The following FGF14 variants were observed in gnomAD, a reference collection of about 807,000 sequenced individuals.
The protein encoded by FGF14 is fibroblast growth factor 14, also known as fibroblast growth factor homologous factor 4.
FGF14 carries 5 observed loss-of-function variants against 25.5 expected under a neutral mutation model. That is an observed-to-expected ratio of 0.20 (90% CI 0.10 to 0.41). The LOEUF (loss-of-function observed/expected upper bound fraction) is 0.41, where lower values mean the gene tolerates loss of function less well. FGF14 is among the 10% of genes least tolerant of loss of function. The probability of loss-of-function intolerance (pLI) is 1.00; values close to 1 mark genes in which losing one functional copy is unlikely to be tolerated. For synonymous variants in FGF14, 138 were observed against 118.3 expected (o/e 1.17, Z -1.08); for missense variants, 222 against 320.1 (o/e 0.69, Z 2.34).
At chr13:102,074,064 G>C (rs1036243403) in intron 1 of FGF14, among the ~76,000 whole-genome samples, 1 of 152,158 alleles carries the variant, frequency 6.6e-6, no homozygotes, top group Non-Finnish European at 1.5e-5. Context: ...CTGGTGTGGA[G>C]TACAGTGGTG....
chr13:102,242,206 G>T (rs2141031782), intron 1 of FGF14, among the ~76,000 whole-genome samples: 2 of 152,190 alleles, frequency 1.3e-5, no homozygotes, highest in South Asian at 2.1e-4. Flanking sequence ...CCTCTTTCTT[G>T]AATATTCCTC....
chr13:101,956,540 T>A (rs894041277), intron 1 of FGF14, among the ~76,000 whole-genome samples: 10 of 151,982 alleles, frequency 6.6e-5, no homozygotes, highest in Admixed American at 3.9e-4. Flanking sequence ...TCTGGAAAAA[T>A]TTGTCTTAGT....
chr13:102,207,838 A>G (rs9518656), intron 1 of FGF14, among the ~76,000 whole-genome samples: 56,471 of 151,886 alleles, frequency 0.37, 11,517 homozygotes, highest in African/African-American at 0.55. Context: ...ATAGCTGCAC[A>G]GTGAACCAGT....
intron 1 of FGF14, among the ~76,000 whole-genome samples, chr13:102,143,735 A>G (rs1361708598): frequency 6.6e-6 from 1 of 152,180 alleles, no homozygotes; most frequent in Non-Finnish European, 1.5e-5. Context: ...CGAAGACACT[A>G]TGTTTCAGAC....
intron 1 of FGF14, among the ~76,000 whole-genome samples, chr13:102,173,179 G>T (rs1317360752): frequency 6.6e-6 from 1 of 152,066 alleles, no homozygotes; most frequent in African/African-American, 2.4e-5. Flanking sequence ...AATGGGCAAA[G>T]GACTGGAATA....
chr13:102,172,026 C>T (rs1185901640), intron 1 of FGF14, among the ~76,000 whole-genome samples: 1 of 150,754 alleles, frequency 6.6e-6, no homozygotes, highest in African/African-American at 2.4e-5. Flanking sequence ...GACGGAGTCT[C>T]ACTATGTTGC....
At chr13:101,930,576 T>C (rs927898633) in intron 1 of FGF14, among the ~76,000 whole-genome samples, 1 of 152,126 alleles carries the variant, frequency 6.6e-6, no homozygotes, top group Admixed American at 6.5e-5. Context: ...AGTTGCAAAG[T>C]TTTTTCCATC....
intron 3 of FGF14, among the ~76,000 whole-genome samples, chr13:101,765,124 G>A (rs1456612381): frequency 2.0e-5 from 3 of 152,100 alleles, no homozygotes; most frequent in African/African-American, 4.8e-5. Flanking sequence ...GATGACTTAG[G>A]TCATCATGAC....
At chr13:102,289,253 T>C (rs2054260996) in intron 1 of FGF14, among the ~76,000 whole-genome samples, 1 of 152,226 alleles carries the variant, frequency 6.6e-6, no homozygotes, top group South Asian at 2.1e-4. Context: ...ACTATATTTC[T>C]AGATCTCATT....
chr13:101,840,400 A>C (rs994727766), intron 3 of FGF14, among the ~76,000 whole-genome samples: 10 of 151,898 alleles, frequency 6.6e-5, no homozygotes, highest in East Asian at 1.9e-4. Context: ...AGTTACTTAA[A>C]ACAGATATAT....
chr13:101,857,651 A>T (rs4575397), intron 3 of FGF14, among the ~76,000 whole-genome samples: 7 of 151,906 alleles, frequency 4.6e-5, no homozygotes, highest in East Asian at 3.9e-4. Flanking sequence ...AAATGTAGTG[A>T]GCATGGAACT....
intron 1 of FGF14, among the ~76,000 whole-genome samples, chr13:101,931,083 C>T (rs1271885894): frequency 6.6e-6 from 1 of 152,188 alleles, no homozygotes; most frequent in East Asian, 1.9e-4. Flanking sequence ...ATCCTTCTTC[C>T]ATATGATGGT....
chr13:101,850,277 TCCAAAAAAA>T (rs1462566302), intron 3 of FGF14, among the ~76,000 whole-genome samples: 6,243 of 35,584 alleles, frequency 0.18, 513 homozygotes, highest in East Asian at 0.39. Flanking sequence ...CTACTAAAAA[TCCAAAAAAA>T]AAAAAAAAAA....
chr13:101,997,080 T>C (rs1010456192), intron 1 of FGF14, among the ~76,000 whole-genome samples: 1 of 152,236 alleles, frequency 6.6e-6, no homozygotes, highest in African/African-American at 2.4e-5. Flanking sequence ...GGCACTCTTT[T>C]ACTAGGCTTC....
intron 1 of FGF14, among the ~76,000 whole-genome samples, chr13:102,108,358 T>A (rs1208331873): frequency 6.6e-6 from 1 of 152,246 alleles, no homozygotes; most frequent in Non-Finnish European, 1.5e-5. Flanking sequence ...ATCTTGCATA[T>A]GTTCGTATTC....
At chr13:102,339,448 T>A (rs1416466259) in intron 1 of FGF14, among the ~76,000 whole-genome samples, 2 of 152,140 alleles carry the variant, frequency 1.3e-5, no homozygotes, top group African/African-American at 2.4e-5. Flanking sequence ...CAAAATTTTA[T>A]AACTGAAAGA....
At chr13:102,188,836 G>A (rs1445768484) in intron 1 of FGF14, among the ~76,000 whole-genome samples, 1 of 151,904 alleles carries the variant, frequency 6.6e-6, no homozygotes, top group Non-Finnish European at 1.5e-5. Context: ...AGATACTGGG[G>A]AGGCTGAGGC....
intron 1 of FGF14, among the ~76,000 whole-genome samples, chr13:102,100,936 C>T (rs1566685325): frequency 6.6e-6 from 1 of 151,982 alleles, no homozygotes; most frequent in East Asian, 1.9e-4. Context: ...TCTGTCTTTA[C>T]AAAAATACAA....
intron 3 of FGF14, among the ~76,000 whole-genome samples, chr13:101,821,076 G>GGA (rs2042125130): frequency 6.7e-6 from 1 of 148,318 alleles, no homozygotes; most frequent in South Asian, 2.3e-4. Context: ...AGCCTCCCAA[G>GGA]TAGCTGGGAG....
Sources: gnomAD v4.1 joint callset for allele counts (sites outside exome capture counted in the v4.1 genomes callset) on GRCh38, gnomAD v4.1.1 for gene constraint, MANE v1.5 for transcripts, NCBI Gene and HGNC (gene_info 2026-07-23, HGNC 2026-07-21) for gene names.